The following TRHDE variants were observed in gnomAD, a reference collection of about 807,000 sequenced individuals.
TRHDE encodes thyrotropin releasing hormone degrading enzyme.
Under a neutral mutation model 125.7 loss-of-function variants are expected in TRHDE, and 72 were observed. The ratio of observed to expected loss-of-function variants is 0.57; its 90% CI spans 0.47 to 0.70. TRHDE has a LOEUF of 0.70. Ranked by LOEUF, TRHDE falls within the 30% of genes least tolerant of loss-of-function variation. TRHDE has a pLI of 0.00. For synonymous variants in TRHDE, 509 were observed against 509.1 expected, an observed-to-expected ratio of 1.00 and a Z score of 0.00; for missense variants, 1,110 against 1,327.1, an observed-to-expected ratio of 0.84 and a Z score of 2.54.
intron 2 of TRHDE, among the ~76,000 whole-genome samples, chr12:72,332,330 G>A (rs1388578458): frequency 1.3e-5 from 2 of 152,086 alleles, no homozygotes; most frequent in Non-Finnish European, 2.9e-5. Context: ...TAGTAGAGAC[G>A]GGGTTTCACC....
intron 15 of TRHDE, among the ~76,000 whole-genome samples, chr12:72,641,557 A>C (rs1205458079): frequency 6.6e-6 from 1 of 152,116 alleles, no homozygotes; most frequent in African/African-American, 2.4e-5. Context: ...TAATATATGC[A>C]TTCTACTTTA....
intron 3 of TRHDE, among the ~76,000 whole-genome samples, chr12:72,442,901 A>T (rs1427729319): frequency 6.6e-6 from 1 of 151,908 alleles, no homozygotes; most frequent in Non-Finnish European, 1.5e-5. Flanking sequence ...AACACTGAAC[A>T]GCATAAGGAC....
chr12:72,154,828 T>C (rs1876464463), intron 2 of TRHDE, among the ~76,000 whole-genome samples: 1 of 152,198 alleles, frequency 6.6e-6, no homozygotes, highest in South Asian at 2.1e-4. Context: ...CCCTTAACAT[T>C]TTTTCCTTCA....
Position 72,273,393 on chromosome 12 carries a change from A to T in TRHDE, c.750A>T (p.Val250=). The part of the protein sequence containing the change: ...AEDRAFGAVP[V]AGFFLYPQTQ... ...ACCGGGCGTTCGGGGCTGTCCCTGT[A>T]GCCGGTTTTTTCCTCTACCCGCAAA... The change falls in exon 1 of 19, where the codon GTA becomes GTT. Residue 250 remains valine (V), a synonymous_variant. Coordinates refer to ENST00000261180, the MANE Select transcript of TRHDE (RefSeq NM_013381.3). The surrounding 1 kb of genome is among the most constrained non-coding windows in gnomAD (Gnocchi z 5.3). 1 of 1,614,154 alleles carries T rather than the reference A, an allele frequency of 6.2e-7. No homozygotes were observed. Among genetic ancestry groups the T allele is most frequent in the Non-Finnish European group, 8.5e-7 (1 of 1,180,040 alleles).
chr12:72,640,361 G>C (rs1022316259), intron 15 of TRHDE, among the ~76,000 whole-genome samples: 4 of 152,222 alleles, frequency 2.6e-5, no homozygotes, highest in African/African-American at 9.6e-5. Flanking sequence ...CCCTGCTTTG[G>C]CTCGCGCACG....
At chr12:72,597,713 GTATA>G (rs762515309) in intron 12 of TRHDE, among the ~76,000 whole-genome samples, 774 of 18,398 alleles carry the variant, frequency 0.042, 6 homozygotes, top group Middle Eastern at 0.062. Flanking sequence ...GTGTGTGTAT[GTATA>G]TATATATATA....
chr12:72,091,368 G>A (rs1413316788), intron 1 of TRHDE, among the ~76,000 whole-genome samples: 6 of 152,030 alleles, frequency 3.9e-5, no homozygotes, highest in Non-Finnish European at 5.9e-5. Context: ...TAGCCTATGG[G>A]TTCTAGTTAA....
At chr12:72,096,158 C>CACACACACACAT (rs1874916684) in intron 1 of TRHDE, among the ~76,000 whole-genome samples, 1 of 151,894 alleles carries the variant, frequency 6.6e-6, no homozygotes, top group Non-Finnish European at 1.5e-5. Flanking sequence ...CACACACACA[C>CACACACACACAT]ACACACACAT....
At position 72,473,322 on chromosome 12, in the gene TRHDE, G is replaced by A. The variant is rs985348375; in HGVS notation, c.1584+142G>A. 3 of 570,578 alleles carry A rather than the reference G, an allele frequency of 5.3e-6. No homozygotes were observed. In the African/African-American group the frequency reaches 5.8e-5, roughly 11 times the overall value. The allele number at this position is 570,578 out of a possible 1,614,324, so 35.3% of individuals were successfully genotyped here. ...ATAAAGTGTAACCAAAAATTGAAATGTTAGTATTCTTAAAGAGTCATCTTT... is the reference window on the plus strand; with the variant it reads ...ATAAAGTGTAACCAAAAATTGAAATATTAGTATTCTTAAAGAGTCATCTTT... On this transcript the variant is annotated intron_variant, in intron 5 of 18. Transcript: ENST00000261180.
At chr12:72,292,924 G>A (rs887865690) in intron 2 of TRHDE, among the ~76,000 whole-genome samples, 2 of 152,168 alleles carry the variant, frequency 1.3e-5, no homozygotes, top group Non-Finnish European at 1.5e-5. Context: ...AAAATGCCAC[G>A]AAGGGTTTGG....
chr12:72,643,383 C>T (rs573381545), intron 15 of TRHDE, among the ~76,000 whole-genome samples: 3 of 152,228 alleles, frequency 2.0e-5, no homozygotes, highest in East Asian at 1.9e-4. Flanking sequence ...TGCTATGTGA[C>T]GAACAGCCAT....
At chr12:72,302,028 A>G (rs760225566) in intron 2 of TRHDE, among the ~76,000 whole-genome samples, 13 of 152,162 alleles carry the variant, frequency 8.5e-5, no homozygotes, top group Non-Finnish European at 1.6e-4. Context: ...TGTGATTACC[A>G]ACTTGTGCAA....
chr12:72,397,813 T>A lies in TRHDE; in HGVS notation c.1315+19692T>A, dbSNP rs564259791. ...CCATTAGAACCTTTTTGGCATTTTTTAAATTAATTAATTAATTTATTTATT... is the reference window on the plus strand; with the variant it reads ...CCATTAGAACCTTTTTGGCATTTTTAAAATTAATTAATTAATTTATTTATT... On this transcript the variant is annotated intron_variant, in intron 3 of 18. Coordinates refer to ENST00000261180, the MANE Select transcript of TRHDE (RefSeq NM_013381.3). Among the ~76,000 whole-genome samples the A allele has an allele frequency of 7.2e-5, 11 of 152,292 alleles. No individual in the cohort carries two copies. In the South Asian group the frequency reaches 8.3e-4, roughly 11 times the overall value.
intron 2 of TRHDE, among the ~76,000 whole-genome samples, chr12:72,126,523 A>T (rs1160841058): frequency 6.6e-6 from 1 of 152,212 alleles, no homozygotes; most frequent in Non-Finnish European, 1.5e-5. Flanking sequence ...ACACTGGAAC[A>T]GAATAGAGAA....
chr12:72,459,819 T>C (rs572268986), intron 3 of TRHDE, among the ~76,000 whole-genome samples: 9 of 152,116 alleles, frequency 5.9e-5, no homozygotes, highest in Admixed American at 2.0e-4. Flanking sequence ...TGTCTGACTA[T>C]GTTGCCCAGA....
chr12:72,273,658 G>C lies in TRHDE; in HGVS notation c.914+101G>C. 8.8e-7 allele frequency: 1 copy of C among 1,131,318 alleles called. No homozygotes were observed. The highest frequency in any genetic ancestry group is 1.5e-5 in the South Asian group (1 of 67,206). The allele number at this position is 1,131,318 out of a possible 1,614,324, so 70.1% of individuals were successfully genotyped here. On this transcript the variant is annotated intron_variant, in intron 1 of 18. Transcript: ENST00000261180. The surrounding 1 kb of genome is among the most constrained non-coding windows in gnomAD (Gnocchi z 5.3). ...GGGACCCAGCTGGCTTCCAATACCC[G>C]GGAAGCCAGGGGTGGGGGGAAGGAA...
chr12:72,378,018 T>G lies in TRHDE; in HGVS notation c.1212T>G (p.Asp404Glu), dbSNP rs374684965. ...GVVVRLYARP[D>E]AIRRGSGDYA... ...AGGTACGATTATATGCAAGACCTGA[T>G]GCTATCAGAAGAGGATCCGGGGACT... The change falls in exon 3 of 19, where the codon GAT becomes GAG. Residue 404 changes from aspartate (D) to glutamate (E), a missense_variant. Asp to Glu is a conservative substitution (Grantham distance 45). This residue lies in a region of TRHDE where 252 missense variants were observed against 274.8 expected (regional missense o/e 0.92). Coordinates refer to ENST00000261180, the MANE Select transcript of TRHDE (RefSeq NM_013381.3). 1.3e-6 allele frequency: 2 copies of G among 1,597,316 alleles called. No homozygotes were observed. The highest frequency in any genetic ancestry group is 1.4e-5 in the African/African-American group (1 of 74,022).
intron 2 of TRHDE, among the ~76,000 whole-genome samples, chr12:72,245,667 T>C (rs1445878323): frequency 3.3e-5 from 5 of 152,052 alleles, no homozygotes; most frequent in Non-Finnish European, 5.9e-5. Flanking sequence ...ATACACAATT[T>C]AATTTTCAAA....
At chr12:72,146,187 A>T (rs1043401220) in intron 2 of TRHDE, among the ~76,000 whole-genome samples, 17 of 152,196 alleles carry the variant, frequency 1.1e-4, no homozygotes, top group African/African-American at 3.9e-4. Flanking sequence ...GTAAGTGGCT[A>T]GCCTTCACTG....
Sources: gnomAD v4.1 joint callset for allele counts (sites outside exome capture counted in the v4.1 genomes callset) on GRCh38, gnomAD v4.1.1 for gene constraint, gnomAD v4.1.1 regional missense constraint, Gnocchi (gnomAD v3.1) non-coding constraint, MANE v1.5 for transcripts, NCBI Gene and HGNC (gene_info 2026-07-23, HGNC 2026-07-21) for gene names.